TCP1: variants seen among roughly 807,000 people sequenced by gnomAD.
TCP1 encodes t-complex 1.
In TCP1, 6 loss-of-function variants were observed where a neutral mutation model predicts 54.7. The ratio of observed to expected loss-of-function variants is 0.11; its 90% CI spans 0.06 to 0.22. TCP1 has a LOEUF of 0.22. Ranked by LOEUF, TCP1 falls within the 10% of genes least tolerant of loss-of-function variation. The pLI is 1.00. For missense variants in TCP1, 511 were observed against 678.2 expected, an observed-to-expected ratio of 0.75 and a Z score of 2.74; for synonymous variants, 225 against 229.7, an observed-to-expected ratio of 0.98 and a Z score of 0.19.
rs773067150 is a variant in TCP1, at chr6:159,785,907, C to A, written c.370G>T (p.Ala124Ser). 8.7e-6 allele frequency: 14 copies of A among 1,613,112 alleles called. No individual in the cohort carries two copies. The highest frequency in any genetic ancestry group is 1.2e-5 in the Non-Finnish European group (14 of 1,179,644). Residue 124 changes from alanine (A) to serine (S), a missense_variant, in exon 4 of 12, where the codon GCT (alanine) becomes TCT (serine). Physicochemically the swap from Ala to Ser is moderately conservative, Grantham distance 99. Transcript: ENST00000321394. Reference protein sequence around the residue: ...PTSVISGYRLACKEAVRYINE... With the variant: ...PTSVISGYRLSCKEAVRYINE... ...GAATGCAAACAATCTTACTTGCAAG[C>A]AAGTCGATAGCCACTAATAACTGAT...
intron 11 of TCP1, 125 bp downstream of exon 11, chr6:159,779,502 G>A: frequency 7.5e-7 from 1 of 1,328,946 alleles, no homozygotes; most frequent in East Asian, 2.3e-5. Flanking sequence ...TGCTTGCTGT[G>A]AAGTTTTTCA....
chr6:159,785,111 T>C (rs1780662175), intron 5 of TCP1: 2 of 601,864 alleles, frequency 3.3e-6, no homozygotes, highest in Non-Finnish European at 5.8e-6. Context: ...TCTATTGATA[T>C]CAATTTGCAT....
intron 3 of TCP1, among the ~76,000 whole-genome samples, chr6:159,786,661 G>A (rs1780704574): frequency 6.6e-6 from 1 of 152,162 alleles, no homozygotes; most frequent in Non-Finnish European, 1.5e-5. Context: ...TCACATTATC[G>A]TAAGTTAGAC....
In TCP1 at chr6:159,779,706, C is replaced by T; in HGVS notation, c.1375G>A (p.Asp459Asn). ...PNTLAVNAAQ[D>N]STDLVAKLRA... ...AATTTTGCAACCAGATCTGTGGAGTCCTGGGCAGCATTAACTGCTAGTGTA... is the reference window on the plus strand; with the variant it reads ...AATTTTGCAACCAGATCTGTGGAGTTCTGGGCAGCATTAACTGCTAGTGTA... The change falls in exon 11 of 12, where the codon GAC becomes AAC. Residue 459 changes from aspartate (D) to asparagine (N), a missense_variant. Physicochemically the swap from Asp to Asn is conservative, Grantham distance 23. Around this residue, in one of 5 missense-constraint regions of TCP1, gnomAD observed 88 missense variants for 153.1 expected, o/e 0.57. Transcript: ENST00000321394. 1.2e-6 allele frequency: 2 copies of T among 1,613,660 alleles called. No individual in the cohort carries two copies. The highest frequency in any genetic ancestry group is 1.7e-6 in the Non-Finnish European group (2 of 1,179,918).
At chr6:159,781,880 T>G (rs1209198764) in intron 7 of TCP1, among the ~76,000 whole-genome samples, 1 of 152,208 alleles carries the variant, frequency 6.6e-6, no homozygotes, top group East Asian at 1.9e-4. Flanking sequence ...ATCTAGATAC[T>G]AAGCTTAATA....
chr6:159,779,924 T>C lies in TCP1; in HGVS notation c.1261A>G (p.Ile421Val), dbSNP rs763418112. The change falls in exon 10 of 12, where the codon ATA becomes GTA. Residue 421 changes from isoleucine to valine, a missense_variant. Ile to Val is a conservative substitution (Grantham distance 29, BLOSUM62 3). Transcript: ENST00000321394. ...GGGAVEAALSIYLENYATSMG... is the reference protein window; with the variant it reads ...GGGAVEAALSVYLENYATSMG... ...CTGGTTGCATAGTTTTCAAGGTATA[T>C]GGAAAGGGCTGCTTCTACAGCACCC... is the stretch of plus-strand genomic sequence containing the variant. The C allele has an allele frequency of 2.5e-6, 4 of 1,614,146 alleles. No homozygotes were observed. The highest frequency in any genetic ancestry group is 1.1e-5 in the South Asian group (1 of 91,082).
intron 11 of TCP1, 81 bp from the exon 12 acceptor site, chr6:159,779,342 T>G (rs1780515015): frequency 7.8e-7 from 1 of 1,281,924 alleles, no homozygotes; most frequent in South Asian, 1.3e-5. Flanking sequence ...CATTCAAGTA[T>G]TAAGGTTGAT....
intron 3 of TCP1, among the ~76,000 whole-genome samples, chr6:159,787,297 T>C (rs894363625): frequency 2.0e-5 from 3 of 152,104 alleles, no homozygotes; most frequent in South Asian, 4.1e-4. Flanking sequence ...GGTAACATTT[T>C]ATCCTCCAAA....
Position 159,781,014 on chromosome 6 carries a change from C to T in TCP1, c.894G>A (p.Lys298=), listed in dbSNP as rs762711626. Residue 298 remains lysine, a synonymous_variant, in exon 8 of 12, where the codon AAG becomes AAA. Transcript: ENST00000321394. ...CCATAGCACCAGCCTCCACAAAATA[C>T]TTCAGACACATATCATCAATTCCAC... The part of the protein sequence containing the change: ...TTGGIDDMCL[K]YFVEAGAMAV... 6.2e-7 allele frequency: 1 copy of T among 1,613,758 alleles called. No individual in the cohort carries two copies.
chr6:159,787,134 TC>T (rs1414525859), intron 3 of TCP1, among the ~76,000 whole-genome samples: 1 of 149,480 alleles, frequency 6.7e-6, no homozygotes, highest in East Asian at 1.9e-4. Context: ...ATGCCTGCAA[TC>T]CCAAGCACTC....
chr6:159,784,841 A>C lies in TCP1; in HGVS notation c.495T>G (p.Gly165=). Residue 165 remains glycine (G), a synonymous_variant, in exon 6 of 12, where the codon GGT becomes GGG. Coordinates refer to ENST00000321394, the MANE Select transcript of TCP1 (RefSeq NM_030752.3). ...SMSSKIIGIN[G]DFFANMVVDA... is the part of the protein sequence containing the mutation. ...CTACTACCATGTTAGCAAAGAAATC[A>C]CCATTTCTACGCCAAAAGTTAAGGA... 6.2e-7 allele frequency: 1 copy of C among 1,614,086 alleles called. No homozygotes were observed. Among genetic ancestry groups the C allele is most frequent in the Non-Finnish European group, 8.5e-7 (1 of 1,180,030 alleles).
intron 7 of TCP1, among the ~76,000 whole-genome samples, chr6:159,781,611 A>G (rs1780578306): frequency 6.6e-6 from 1 of 152,156 alleles, no homozygotes; most frequent in Non-Finnish European, 1.5e-5. Context: ...CCTCTACTAA[A>G]AATACAAAAA....
intron 7 of TCP1, among the ~76,000 whole-genome samples, chr6:159,782,519 A>C (rs1175231735): frequency 6.6e-6 from 1 of 152,218 alleles, no homozygotes; most frequent in Non-Finnish European, 1.5e-5. Context: ...TGGAGGTAGA[A>C]ATCAAGCGGT....
In TCP1 at chr6:159,778,533, A is replaced by T; in HGVS notation, c.*512T>A. 9.4e-7 allele frequency: 1 copy of T among 1,059,382 alleles called. No homozygotes were observed. The highest frequency in any genetic ancestry group is 1.4e-6 in the Non-Finnish European group (1 of 740,608). The allele number at this position is 1,059,382 out of a possible 1,614,324, so 65.6% of individuals were successfully genotyped here. A position where few individuals can be genotyped will look rare whatever the true frequency, so the allele number is the denominator to read the frequency against. ...CAAAGGTGTAAATTTATTCCTAAGC[A>T]GTTAAAATGAAAATTTGAGTTTGAA... On this transcript the variant is annotated 3_prime_UTR_variant, in exon 12 of 12. Coordinates refer to ENST00000321394, the MANE Select transcript of TCP1 (RefSeq NM_030752.3).
At chr6:159,787,006 G>A (rs1780713290) in intron 3 of TCP1, among the ~76,000 whole-genome samples, 2 of 150,706 alleles carry the variant, frequency 1.3e-5, no homozygotes, top group Non-Finnish European at 2.9e-5. Flanking sequence ...CACTACAGAG[G>A]CCGAGAAGGG....
intron 6 of TCP1, 118 bp downstream of exon 6, chr6:159,784,548 C>T: frequency 9.4e-7 from 1 of 1,064,468 alleles, no homozygotes; most frequent in East Asian, 2.5e-5. Flanking sequence ...TCGTGATCCA[C>T]CTGACTCAGC....
In TCP1 at chr6:159,779,734, G is replaced by C; in HGVS notation, c.1347C>G (p.Pro449=). 1 of 1,612,250 alleles carries C rather than the reference G, an allele frequency of 6.2e-7. No individual in the cohort carries two copies. Among genetic ancestry groups the C allele is most frequent in the Non-Finnish European group, 8.5e-7 (1 of 1,179,550 alleles). ...AEFARSLLVI[P]NTLAVNAAQD... ...GGGCAGCATTAACTGCTAGTGTATT[G>C]GGAATAACAAGAAGTGATCTTGCAA... is the stretch of plus-strand genomic sequence containing the variant. The change falls in exon 11 of 12, where the codon CCC becomes CCG. Residue 449 remains proline (P), a synonymous_variant. Coordinates refer to ENST00000321394, the MANE Select transcript of TCP1 (RefSeq NM_030752.3).
chr6:159,788,894 T>G (rs906682466), intron 1 of TCP1: 6 of 156,090 alleles, frequency 3.8e-5, no homozygotes, highest in African/African-American at 1.4e-4. Flanking sequence ...AACTCTACTG[T>G]AAGAAGCTGT....
chr6:159,781,986 A>G (rs112878349), intron 7 of TCP1, among the ~76,000 whole-genome samples: 1 of 151,818 alleles, frequency 6.6e-6, no homozygotes, highest in Non-Finnish European at 1.5e-5. Context: ...CAAGAAGATA[A>G]TAACATGAGA....
Sources: allele counts gnomAD v4.1 joint callset (sites outside exome capture counted in the v4.1 genomes callset), GRCh38; gene constraint gnomAD v4.1.1; regional missense constraint gnomAD v4.1.1; transcripts MANE v1.5; gene names NCBI Gene and HGNC (gene_info 2026-07-23, HGNC 2026-07-21).